Variants in GRIK4 observed in about 807,000 individuals in gnomAD.
GRIK4 encodes glutamate receptor ionotropic, kainate 4.
GRIK4 carries 40 observed loss-of-function variants against 104.9 expected under a neutral mutation model. The ratio of observed to expected loss-of-function variants is 0.38; its 90% CI spans 0.30 to 0.50. The LOEUF (loss-of-function observed/expected upper bound fraction) is 0.50. Ranked by LOEUF, GRIK4 falls within the 20% of genes least tolerant of loss-of-function variation. The pLI is 0.93. For synonymous variants in GRIK4, 485 were observed against 524.9 expected (o/e 0.92, Z 1.04); for missense variants, 1,047 against 1,308.1 (o/e 0.80, Z 3.08).
In GRIK4 at chr11:120,953,035, G is replaced by C. The variant is rs74929516; in HGVS notation, c.1700+71G>C. On this transcript the variant is annotated intron_variant, in intron 15 of 20. Coordinates refer to ENST00000527524, the MANE Select transcript of GRIK4 (RefSeq NM_014619.5). This position sits in a 1 kb window ranked among gnomAD's most constrained non-coding sequence, Gnocchi z 4.9. ...CCACCTCTGGGAACTGCATGGGGAGGGGGTGGGGAGGAGGAGAGGGGGAGG... is the reference window on the plus strand; with the variant it reads ...CCACCTCTGGGAACTGCATGGGGAGCGGGTGGGGAGGAGGAGAGGGGGAGG... The C allele has an allele frequency of 1.6e-3, 1,547 of 971,258 alleles. 59 individuals are homozygous for C. The East Asian group carries it at 0.033, about 21-fold the overall frequency. The allele number at this position is 971,258 out of a possible 1,614,324, so 60.2% of individuals were successfully genotyped here.
At chr11:120,822,589 T>G (rs1382485849) in intron 6 of GRIK4, among the ~76,000 whole-genome samples, 1 of 152,186 alleles carries the variant, frequency 6.6e-6, no homozygotes, top group Non-Finnish European at 1.5e-5. Flanking sequence ...GAAATCCAGT[T>G]CCTCAGTCTT....
At chr11:120,840,564 C>T (rs1308419669) in intron 8 of GRIK4, among the ~76,000 whole-genome samples, 3 of 151,978 alleles carry the variant, frequency 2.0e-5, no homozygotes, top group African/African-American at 4.8e-5. Context: ...GGCCAGAGGT[C>T]GGGCACGCAG....
At chr11:120,867,615 GC>G (rs1954459900) in intron 9 of GRIK4, among the ~76,000 whole-genome samples, 1 of 152,000 alleles carries the variant, frequency 6.6e-6, no homozygotes, top group Admixed American at 6.6e-5. Flanking sequence ...CGGGCCTTCG[GC>G]ATTCTAAGTG....
At chr11:120,782,073 AC>A (rs887940654) in intron 3 of GRIK4, among the ~76,000 whole-genome samples, 2 of 148,962 alleles carry the variant, frequency 1.3e-5, no homozygotes, top group Non-Finnish European at 1.5e-5. Context: ...TTCCCTGACC[AC>A]CCCCCATCAT....
chr11:120,612,499 C>CAA lies in GRIK4; in HGVS notation c.-158-41172_-158-41171dup, dbSNP rs11333522. Among the ~76,000 whole-genome samples the CAA allele has an allele frequency of 3.8e-4, 56 of 147,462 alleles. No individual in the cohort carries two copies. In the East Asian group the frequency reaches 5.1e-3, roughly 13 times the overall value. ...TTCTATCCTATTAAGACTTTTGAGG[C>CAA]AAAAAAAAAAAAAAATCTTATTAGC... is the stretch of plus-strand genomic sequence containing the variant. On this transcript the variant is annotated intron_variant, in intron 1 of 20. Coordinates refer to ENST00000527524, the MANE Select transcript of GRIK4 (RefSeq NM_014619.5).
chr11:120,957,538 T>C (rs992268084), intron 16 of GRIK4, among the ~76,000 whole-genome samples: 1 of 151,690 alleles, frequency 6.6e-6, no homozygotes, highest in African/African-American at 2.4e-5. Context: ...CATAAACATA[T>C]GGACTGATCA....
intron 8 of GRIK4, among the ~76,000 whole-genome samples, chr11:120,849,934 TCTGGAGCACAAGGTCCCC>T (rs1421813292): frequency 6.6e-6 from 1 of 152,230 alleles, no homozygotes; most frequent in Admixed American, 6.5e-5. Context: ...TACATTTTCA[TCTGGAGCACAAGGTCCCC>T]CTGCAAGTTC....
intron 1 of GRIK4, among the ~76,000 whole-genome samples, chr11:120,580,087 T>C (rs1489532491): frequency 2.6e-5 from 4 of 152,250 alleles, no homozygotes; most frequent in Admixed American, 1.3e-4. Context: ...AGTATTCCAT[T>C]GTGCAGAAAT....
intron 3 of GRIK4, among the ~76,000 whole-genome samples, chr11:120,723,213 G>A (rs1039505932): frequency 1.3e-5 from 2 of 152,156 alleles, no homozygotes; most frequent in East Asian, 1.9e-4. Context: ...GAGGGCTCTT[G>A]GGAACAATAT....
intron 7 of GRIK4, among the ~76,000 whole-genome samples, chr11:120,836,330 C>T (rs879528702): frequency 6.6e-5 from 10 of 152,176 alleles, no homozygotes; most frequent in South Asian, 2.1e-4. Context: ...GGAATAATAG[C>T]GCCAACCTCA....
At chr11:120,580,619 A>C (rs560476047) in intron 1 of GRIK4, among the ~76,000 whole-genome samples, 16 of 150,956 alleles carry the variant, frequency 1.1e-4, no homozygotes, top group Middle Eastern at 3.4e-3. Context: ...TCCAGGCTGG[A>C]GTGCAGTGGT....
chr11:120,916,627 A>G (rs961672552), intron 13 of GRIK4, among the ~76,000 whole-genome samples: 4 of 152,250 alleles, frequency 2.6e-5, no homozygotes, highest in African/African-American at 9.6e-5. Flanking sequence ...TGATACCGCA[A>G]GTGGAAAATT....
chr11:120,717,159 G>A (rs1201618214), intron 3 of GRIK4, among the ~76,000 whole-genome samples: 2 of 152,150 alleles, frequency 1.3e-5, no homozygotes, highest in Non-Finnish European at 2.9e-5. Flanking sequence ...TGTGCTCATC[G>A]CGGAACTGGT....
chr11:120,637,765 A>G (rs1222871353), intron 1 of GRIK4, among the ~76,000 whole-genome samples: 1 of 152,142 alleles, frequency 6.6e-6, no homozygotes, highest in African/African-American at 2.4e-5. Flanking sequence ...CCGACACTGC[A>G]GAATGCCCCT....
intron 3 of GRIK4, among the ~76,000 whole-genome samples, chr11:120,731,392 C>T (rs1185692225): frequency 1.3e-5 from 2 of 151,974 alleles, no homozygotes; most frequent in Non-Finnish European, 2.9e-5. Context: ...ATATGTTGAA[C>T]TCCCTTGCAT....
chr11:120,637,029 A>G (rs1002600575), intron 1 of GRIK4, among the ~76,000 whole-genome samples: 3 of 152,146 alleles, frequency 2.0e-5, no homozygotes, highest in African/African-American at 7.2e-5. Flanking sequence ...GAGGACCTCA[A>G]TGCCATGGGC....
At chr11:120,701,740 A>C (rs997769231) in intron 3 of GRIK4, among the ~76,000 whole-genome samples, 1 of 152,154 alleles carries the variant, frequency 6.6e-6, no homozygotes, top group South Asian at 2.1e-4. Context: ...CAGTTGCTGC[A>C]TTGAGAATAG....
At chr11:120,770,041 C>G (rs1007255238) in intron 3 of GRIK4, among the ~76,000 whole-genome samples, 1 of 152,172 alleles carries the variant, frequency 6.6e-6, no homozygotes, top group Non-Finnish European at 1.5e-5. Context: ...TACATTTTAG[C>G]AGGGCCTTCC....
At chr11:120,608,222 GC>G (rs1288381603) in intron 1 of GRIK4, among the ~76,000 whole-genome samples, 49 of 152,356 alleles carry the variant, frequency 3.2e-4, no homozygotes, top group African/African-American at 1.1e-3. Context: ...CAGGCTTCCA[GC>G]CAGCTGGGAG....
Sources: gnomAD v4.1 joint callset for allele counts (sites outside exome capture counted in the v4.1 genomes callset) on GRCh38, gnomAD v4.1.1 for gene constraint, Gnocchi (gnomAD v3.1) non-coding constraint, MANE v1.5 for transcripts, NCBI Gene and HGNC (gene_info 2026-07-23, HGNC 2026-07-21) for gene names.